CDH13: variants seen among roughly 807,000 people sequenced by gnomAD.
The protein encoded by CDH13 is cadherin 13.
A neutral mutation model predicts 63.8 loss-of-function variants in CDH13; 24 were observed. That is an observed-to-expected ratio of 0.38 (90% CI 0.27 to 0.53). The LOEUF is 0.53. Ranked by LOEUF, CDH13 falls within the 20% of genes least tolerant of loss-of-function variation. CDH13 has a pLI of 0.85. For synonymous variants in CDH13, 503 were observed against 355.3 expected (o/e 1.42, Z -4.67); for missense variants, 1,049 against 903.1 (o/e 1.16, Z -2.07).
At chr16:83,097,427 T>G (rs2034260581) in intron 3 of CDH13, among the ~76,000 whole-genome samples, 1 of 152,224 alleles carries the variant, frequency 6.6e-6, no homozygotes, top group South Asian at 2.1e-4. Context: ...AACTTTGTAA[T>G]TGGTAAAGTC....
chr16:82,657,778 G>T (rs138475364), intron 1 of CDH13, among the ~76,000 whole-genome samples: 1 of 152,204 alleles, frequency 6.6e-6, no homozygotes, highest in South Asian at 2.1e-4. Context: ...CATTAACCTC[G>T]TATCTTGTAA....
chr16:83,081,861 T>A (rs1174400666), intron 3 of CDH13, among the ~76,000 whole-genome samples: 4 of 151,992 alleles, frequency 2.6e-5, no homozygotes, highest in Non-Finnish European at 5.9e-5. Context: ...AGTACAGTGG[T>A]GTGATCTCGG....
At chr16:83,383,305 C>A (rs1055503470) in intron 6 of CDH13, 6 of 152,190 alleles carry the variant, frequency 3.9e-5, no homozygotes, top group Non-Finnish European at 7.3e-5. Context: ...GCCTCTTTCA[C>A]CTGGTCATGT....
At chr16:83,560,521 G>A (rs183872565) in intron 7 of CDH13, among the ~76,000 whole-genome samples, 7 of 152,280 alleles carry the variant, frequency 4.6e-5, no homozygotes, top group African/African-American at 1.7e-4. Flanking sequence ...GCTTGGGGGA[G>A]GGGATTGGTG....
intron 1 of CDH13, among the ~76,000 whole-genome samples, chr16:82,759,290 C>G (rs1010795868): frequency 2.0e-5 from 3 of 152,150 alleles, no homozygotes; most frequent in Non-Finnish European, 4.4e-5. Context: ...CTTGTACTTC[C>G]CAAATATATT....
intron 3 of CDH13, among the ~76,000 whole-genome samples, chr16:83,035,958 C>G (rs528840543): frequency 6.6e-6 from 1 of 152,248 alleles, no homozygotes; most frequent in Non-Finnish European, 1.5e-5. Flanking sequence ...TTATTCAAGT[C>G]TTTCATCCTC....
At chr16:83,170,101 C>A (rs1419648431) in intron 4 of CDH13, among the ~76,000 whole-genome samples, 6 of 152,092 alleles carry the variant, frequency 3.9e-5, no homozygotes, top group Non-Finnish European at 8.8e-5. Context: ...ATACATACAA[C>A]AATTTACTTT....
chr16:83,517,339 T>C (rs1387395116), intron 7 of CDH13, among the ~76,000 whole-genome samples: 4 of 152,130 alleles, frequency 2.6e-5, no homozygotes, highest in Non-Finnish European at 5.9e-5. Flanking sequence ...ACCCCCAAAT[T>C]TTAGTAGGCA....
chr16:82,758,879 A>G (rs1283217682), intron 1 of CDH13, among the ~76,000 whole-genome samples: 1 of 152,182 alleles, frequency 6.6e-6, no homozygotes, highest in Non-Finnish European at 1.5e-5. Flanking sequence ...ATTTAGTCTC[A>G]TGTAAATCTC....
chr16:83,423,649 A>G (rs1007262450), intron 6 of CDH13, among the ~76,000 whole-genome samples: 6 of 152,216 alleles, frequency 3.9e-5, no homozygotes, highest in African/African-American at 7.2e-5. Context: ...CCCAGAGGCA[A>G]CTGCAGCAAT....
In CDH13 at chr16:83,191,526, CACACAT is replaced by C. The variant is rs1393515874; in HGVS notation, c.484-25817_484-25812del. ...ATATACACACACACACACACACACA[CACACAT>C]ATATATATATATATATATATATATA... is the stretch of plus-strand genomic sequence containing the variant. On this transcript the variant is annotated intron_variant, in intron 4 of 13. Coordinates refer to ENST00000567109, the MANE Select transcript of CDH13 (RefSeq NM_001257.5). 5.5e-3 allele frequency among the ~76,000 whole-genome samples: 560 copies of C among 101,654 alleles called. 3 individuals carry two copies. The highest frequency in any genetic ancestry group is 0.014 in the African/African-American group (322 of 22,402). The allele number at this position is 101,654 out of a possible 152,430, so 66.7% of individuals were successfully genotyped here.
chr16:83,395,128 A>G (rs934889016), intron 6 of CDH13, among the ~76,000 whole-genome samples: 24 of 142,488 alleles, frequency 1.7e-4, no homozygotes, highest in African/African-American at 5.8e-4. Flanking sequence ...AGCCTGGACG[A>G]CAGAGCGAGA....
At chr16:83,572,455 T>C (rs1904728289) in intron 7 of CDH13, among the ~76,000 whole-genome samples, 1 of 152,168 alleles carries the variant, frequency 6.6e-6, no homozygotes, top group South Asian at 2.1e-4. Context: ...TTCCACTTTC[T>C]AAAACTCTCT....
chr16:83,513,858 G>T (rs1598197158), intron 7 of CDH13, among the ~76,000 whole-genome samples: 1 of 152,110 alleles, frequency 6.6e-6, no homozygotes, highest in Admixed American at 6.5e-5. Flanking sequence ...CACCTTTATT[G>T]CCAGCCTCTC....
intron 3 of CDH13, among the ~76,000 whole-genome samples, chr16:83,036,824 G>C (rs960529687): frequency 1.3e-5 from 2 of 152,088 alleles, no homozygotes; most frequent in Non-Finnish European, 2.9e-5. Flanking sequence ...AGATGATTTG[G>C]CTCCACCTCA....
intron 2 of CDH13, among the ~76,000 whole-genome samples, chr16:83,006,443 C>G (rs1356965586): frequency 6.6e-6 from 1 of 152,186 alleles, no homozygotes; most frequent in Non-Finnish European, 1.5e-5. Flanking sequence ...AATGCCAAAG[C>G]TTGCCTTTCA....
intron 6 of CDH13, among the ~76,000 whole-genome samples, chr16:83,362,686 T>C (rs931328634): frequency 1.3e-5 from 2 of 152,210 alleles, no homozygotes; most frequent in African/African-American, 4.8e-5. Flanking sequence ...TCAAATACCA[T>C]CTTCCTTCAA....
intron 1 of CDH13, among the ~76,000 whole-genome samples, chr16:82,723,625 G>A (rs200399555): frequency 2.1e-4 from 32 of 152,290 alleles, no homozygotes; most frequent in Admixed American, 1.1e-3. Context: ...CTAAATGACA[G>A]CAAGGAGTTG....
intron 6 of CDH13, among the ~76,000 whole-genome samples, chr16:83,394,275 C>T (rs2091842911): frequency 1.3e-5 from 2 of 151,562 alleles, no homozygotes; most frequent in Admixed American, 6.6e-5. Context: ...AAAGAGTGAA[C>T]AGTACTGAAG....
Sources: gnomAD v4.1 joint callset for allele counts (sites outside exome capture counted in the v4.1 genomes callset) on GRCh38, gnomAD v4.1.1 for gene constraint, MANE v1.5 for transcripts, NCBI Gene and HGNC (gene_info 2026-07-23, HGNC 2026-07-21) for gene names.